NIBAN3: variants seen among roughly 807,000 people sequenced by gnomAD.
The protein encoded by NIBAN3 is protein Niban 3.
In NIBAN3, 66 loss-of-function variants were observed where a neutral mutation model predicts 76.4. The observed-to-expected ratio is 0.86, with a 90% CI of 0.71 to 1.06. The LOEUF is 1.06. Ranked by LOEUF, NIBAN3 falls within the 50% of genes least tolerant of loss-of-function variation. The probability of loss-of-function intolerance (pLI) is 0.00; values close to 1 mark genes in which losing one functional copy is unlikely to be tolerated. For missense variants in NIBAN3, 808 were observed against 810.7 expected (o/e 1.00, Z 0.04); for synonymous variants, 360 against 355.2 (o/e 1.01, Z -0.15).
In NIBAN3 at chr19:17,537,431, G is replaced by C; in HGVS notation, c.483G>C (p.Pro161=). Residue 161 remains proline (P), a synonymous_variant, in exon 5 of 15, where the codon CCG becomes CCC. Transcript: ENST00000599164. The part of the protein sequence containing the change: ...DSLLEVPVSF[P]LFLQHPFRRH... Reference sequence around the variant, plus strand: ...TCTTGGAAGTGCCTGTGAGCTTCCCGCTGTTCCTGCAGCACCCCTTCCGCC... The same window carrying C: ...TCTTGGAAGTGCCTGTGAGCTTCCCCCTGTTCCTGCAGCACCCCTTCCGCC... 1 of 1,614,002 alleles carries C rather than the reference G, an allele frequency of 6.2e-7. No homozygotes were observed.
Position 17,552,941 on chromosome 19 carries a change from TAAATAAATAAATAA to T in NIBAN3, c.*1046_*1059del, listed in dbSNP as rs2076178450. 1 of 73,692 alleles carries T rather than the reference TAAATAAATAAATAA, an allele frequency of 1.4e-5. No individual in the cohort carries two copies. Among genetic ancestry groups the T allele is most frequent in the Non-Finnish European group, 3.7e-5 (1 of 27,128 alleles). 4.6% of individuals were successfully genotyped at this position (73,692 alleles called of 1,614,324 possible). On this transcript the variant is annotated 3_prime_UTR_variant, in exon 15 of 15. Transcript: ENST00000599164. ...ATAAATAAATAAATAAATAAATAAA[TAAATAAATAAATAA>T]AATTTAAAAGAAGCTGGGCTGAGAT...
intron 13 of NIBAN3, among the ~76,000 whole-genome samples, chr19:17,547,086 C>T (rs2076069784): frequency 6.6e-6 from 1 of 151,936 alleles, no homozygotes; most frequent in Non-Finnish European, 1.5e-5. Flanking sequence ...GGTGTGGTGG[C>T]TCACACCTGT....
At chr19:17,535,063 T>C (rs1170356028) in intron 4 of NIBAN3, among the ~76,000 whole-genome samples, 2 of 152,326 alleles carry the variant, frequency 1.3e-5, no homozygotes, top group Middle Eastern at 3.4e-3. Context: ...TGCTGAGATG[T>C]TGATGCTGCT....
At chr19:17,545,017 G>A (rs2076023161) in intron 12 of NIBAN3, among the ~76,000 whole-genome samples, 1 of 151,862 alleles carries the variant, frequency 6.6e-6, no homozygotes, top group African/African-American at 2.4e-5. Flanking sequence ...ACAAGAATTC[G>A]CCAGATGTGG....
rs1043557204 is a variant in NIBAN3 at position 17,551,966 on chromosome 19, G to A, written c.*68G>A. 19 of 694,092 alleles carry A rather than the reference G, an allele frequency of 2.7e-5. No individual in the cohort carries two copies. The highest frequency in any genetic ancestry group is 3.8e-5 in the Admixed American group (2 of 52,496). 43.0% of individuals were successfully genotyped at this position (694,092 alleles called of 1,614,324 possible). A position where few individuals can be genotyped will look rare whatever the true frequency, so the allele number is the denominator to read the frequency against. On this transcript the variant is annotated 3_prime_UTR_variant, in exon 15 of 15. Coordinates refer to ENST00000599164, the MANE Select transcript of NIBAN3 (RefSeq NM_001321827.2). ...ACAAGTGGAATTTCTGGGCCAAAAC[G>A]GATGTGCCATCTTTAGGCTTTTGTA...
intron 12 of NIBAN3, 188 bp downstream of exon 12, chr19:17,543,819 T>G: frequency 2.2e-6 from 1 of 459,772 alleles, no homozygotes; most frequent in East Asian, 4.0e-5. Context: ...AGTGAAACCC[T>G]GTCTCTACTA....
chr19:17,546,801 A>G lies in NIBAN3; in HGVS notation c.1666+4A>G, dbSNP rs201125699. 1,726 of 1,588,780 alleles carry G rather than the reference A, an allele frequency of 1.1e-3. 34 individuals are homozygous for G. The Admixed American group carries it at 0.028, about 26-fold the overall frequency. The stretch of plus-strand genomic sequence containing the variant: ...TTGCTGCAGAGGATTGACCAAGGTG[A>G]GTCCCGCCCTGCCATGGCTCAGAGG... On this transcript the variant is annotated splice_donor_region_variant and intron_variant, in intron 13 of 14. Coordinates refer to ENST00000599164, the MANE Select transcript of NIBAN3 (RefSeq NM_001321827.2).
In NIBAN3 at chr19:17,530,754, G is replaced by A; in HGVS notation, c.56-1G>A. On this transcript the variant is annotated splice_acceptor_variant, in intron 1 of 14. Coordinates refer to ENST00000599164, the MANE Select transcript of NIBAN3 (RefSeq NM_001321827.2). LOFTEE classifies it high-confidence loss of function. Reference sequence around the variant, plus strand: ...GGTTCACTGTCCCCTTGTCCCTGCAGGTCAGGTGGACACCCTGCTGAGGAA... The same window carrying A: ...GGTTCACTGTCCCCTTGTCCCTGCAAGTCAGGTGGACACCCTGCTGAGGAA... 6.2e-7 allele frequency: 1 copy of A among 1,607,400 alleles called. No individual in the cohort carries two copies.
chr19:17,526,728 A>G (rs2075613037), upstream of NIBAN3, among the ~76,000 whole-genome samples: 1 of 151,412 alleles, frequency 6.6e-6, no homozygotes, highest in Non-Finnish European at 1.5e-5. Flanking sequence ...TGAAGAAGGA[A>G]TCAAGGATGA....
Position 17,540,595 on chromosome 19 carries a change from G to A in NIBAN3, c.1170+13G>A, listed in dbSNP as rs766215989. Reference sequence around the variant, plus strand: ...GCTGCGCAGGGAGGTGAGCTCCCGTGGGTAGGGGTTCAGTGAGCCAGAGGG... The same window carrying A: ...GCTGCGCAGGGAGGTGAGCTCCCGTAGGTAGGGGTTCAGTGAGCCAGAGGG... On this transcript the variant is annotated intron_variant, in intron 9 of 14. Coordinates refer to ENST00000599164, the MANE Select transcript of NIBAN3 (RefSeq NM_001321827.2). 1 of 1,467,894 alleles carries A rather than the reference G, an allele frequency of 6.8e-7. No homozygotes were observed. Among genetic ancestry groups the A allele is most frequent in the Non-Finnish European group, 9.0e-7 (1 of 1,105,882 alleles). The allele number at this position is 1,467,894 out of a possible 1,614,324, so 90.9% of individuals were successfully genotyped here. A position where few individuals can be genotyped will look rare whatever the true frequency, so the allele number is the denominator to read the frequency against.
chr19:17,554,931 A>G (rs888068402), downstream of NIBAN3, among the ~76,000 whole-genome samples: 7 of 85,464 alleles, frequency 8.2e-5, no homozygotes, highest in African/African-American at 4.1e-4. Flanking sequence ...CTCCGTCTCA[A>G]AAAAAAAAAA....
chr19:17,539,251 G>C lies in NIBAN3; in HGVS notation c.697G>C (p.Gly233Arg). 6.2e-7 allele frequency: 1 copy of C among 1,604,622 alleles called. No individual in the cohort carries two copies. The highest frequency in any genetic ancestry group is 8.5e-7 in the Non-Finnish European group (1 of 1,175,936). ...GHFGDDDVTLGSDAEVLTAVL... is the reference protein window; with the variant it reads ...GHFGDDDVTLRSDAEVLTAVL... ...CTTTGGCGACGACGACGTGACCCTA[G>C]GCTCAGACGCCGAGGTTAGTGCCCC... Residue 233 changes from glycine to arginine, a missense_variant, in exon 6 of 15, where the codon GGC becomes CGC. Coordinates refer to ENST00000599164, the MANE Select transcript of NIBAN3 (RefSeq NM_001321827.2).
At position 17,539,426 on chromosome 19, in the gene NIBAN3, G is replaced by T; in HGVS notation, c.791G>T (p.Arg264Leu). 6.6e-7 allele frequency: 1 copy of T among 1,505,922 alleles called. No homozygotes were observed. The allele number at this position is 1,505,922 out of a possible 1,614,324, so 93.3% of individuals were successfully genotyped here. ...CTTCCTGGCCTGCGGGGGGCAGGCC[G>T]CGCCCGCGCCTGGGCCTGGACCGAG... Reference protein sequence around the residue: ...QTLPGLRGAGRARAWAWTELL... With the variant: ...QTLPGLRGAGLARAWAWTELL... The change falls in exon 7 of 15, where the codon CGC becomes CTC. Residue 264 changes from arginine to leucine, a missense_variant. Arg to Leu is a moderately radical substitution (Grantham distance 102, BLOSUM62 -2). Coordinates refer to ENST00000599164, the MANE Select transcript of NIBAN3 (RefSeq NM_001321827.2).
At chr19:17,540,088 C>G (rs1469240434) in intron 8 of NIBAN3, 1 of 329,586 alleles carries the variant, frequency 3.0e-6, no homozygotes, top group Non-Finnish European at 5.3e-6. Context: ...GGCTGAGGCT[C>G]GAGGAGTTGA....
At chr19:17,543,814 A>G (rs941901558) in intron 12 of NIBAN3, 183 bp downstream of exon 12, 5 of 479,616 alleles carry the variant, frequency 1.0e-5, no homozygotes, top group Non-Finnish European at 1.9e-5. Context: ...AACATAGTGA[A>G]ACCCTGTCTC....
intron 12 of NIBAN3, 37 bp downstream of exon 12, chr19:17,543,668 C>A: frequency 6.6e-7 from 1 of 1,512,658 alleles, no homozygotes; most frequent in South Asian, 1.2e-5. Flanking sequence ...GGTCTGACAG[C>A]ATCACCATGC....
At chr19:17,525,783 A>G (rs62126813), upstream of NIBAN3, among the ~76,000 whole-genome samples, 10,236 of 152,068 alleles carry the variant, frequency 0.067, 403 homozygotes, top group Admixed American at 0.12. Context: ...TGGGGTGCTA[A>G]AGATGGGGTT....
At chr19:17,532,132 ACTCT>A in intron 2 of NIBAN3, 127 bp from the exon 3 acceptor site, 1 of 1,210,344 alleles carries the variant, frequency 8.3e-7, no homozygotes, top group Non-Finnish European at 1.1e-6. Flanking sequence ...CCTGCCTAGG[ACTCT>A]CTCTGTCCAG....
In NIBAN3 at chr19:17,553,175, T is replaced by C; in HGVS notation, c.*1277T>C. Reference sequence around the variant, plus strand: ...GCCTGTTCATAGCTTTTTTCTACTTTTCAGGAGTGTTTGCATTTTTCTTAT... The same window carrying C: ...GCCTGTTCATAGCTTTTTTCTACTTCTCAGGAGTGTTTGCATTTTTCTTAT... On this transcript the variant is annotated 3_prime_UTR_variant, in exon 15 of 15. Transcript: ENST00000599164. 2 of 1,363,508 alleles carry C rather than the reference T, an allele frequency of 1.5e-6. No homozygotes were observed. Among genetic ancestry groups the C allele is most frequent in the South Asian group, 1.5e-5 (1 of 67,106 alleles). 84.5% of individuals were successfully genotyped at this position (1,363,508 alleles called of 1,614,324 possible). A position where few individuals can be genotyped will look rare whatever the true frequency, so the allele number is the denominator to read the frequency against.
Sources: gnomAD v4.1 joint callset for allele counts (sites outside exome capture counted in the v4.1 genomes callset) on GRCh38, gnomAD v4.1.1 for gene constraint, MANE v1.5 for transcripts, NCBI Gene and HGNC (gene_info 2026-07-23, HGNC 2026-07-21) for gene names.